The following LIFR variants were observed in gnomAD, a reference collection of about 807,000 sequenced individuals.
LIFR encodes leukemia inhibitory factor receptor.
A neutral mutation model predicts 122.2 loss-of-function variants in LIFR; 84 were observed. The ratio of observed to expected loss-of-function variants is 0.69; its 90% CI spans 0.58 to 0.82. LIFR has a LOEUF of 0.82. Among genes scored for constraint, LIFR ranks in the 40% least tolerant of loss-of-function variants. The pLI, the probability that LIFR is intolerant of heterozygous loss-of-function variation, is 0.00. For missense variants in LIFR, 1,294 were observed against 1,311.6 expected (o/e 0.99, Z 0.21); for synonymous variants, 422 against 434.7 (o/e 0.97, Z 0.36).
chr5:38,519,720 T>C (rs956621194), intron 5 of LIFR, among the ~76,000 whole-genome samples: 4 of 152,190 alleles, frequency 2.6e-5, no homozygotes, highest in Non-Finnish European at 4.4e-5. Context: ...GAGAACATAC[T>C]ATATTTATCT....
chr5:38,596,970 G>T (rs896402641), upstream of LIFR, among the ~76,000 whole-genome samples: 38 of 152,340 alleles, frequency 2.5e-4, no homozygotes, highest in African/African-American at 7.7e-4. Flanking sequence ...AATTCAGAAG[G>T]TGTTATTTTG....
At chr5:38,537,152 T>C (rs1747332809) in intron 1 of LIFR, among the ~76,000 whole-genome samples, 1 of 152,198 alleles carries the variant, frequency 6.6e-6, no homozygotes, top group African/African-American at 2.4e-5. Context: ...ATCACTTCCA[T>C]GCTTAAAATC....
rs372587300 is a variant in LIFR, at chr5:38,491,430, TCTA to T, written c.2066-1142_2066-1140del. 1.7e-4 allele frequency among the ~76,000 whole-genome samples: 26 copies of T among 151,984 alleles called. No individual in the cohort carries two copies. The East Asian group carries it at 4.6e-3, about 27-fold the overall frequency. ...AATCTTAAGTGAGGGGCCAAATGAGTCTAAAAAGATCAGAAACAGCTACAATAA... is the reference window on the plus strand; with the variant it reads ...AATCTTAAGTGAGGGGCCAAATGAGTAAAAGATCAGAAACAGCTACAATAA... On this transcript the variant is annotated intron_variant, in intron 14 of 19. Transcript: ENST00000453190.
At chr5:38,500,531 G>C (rs1243139002) in intron 11 of LIFR, among the ~76,000 whole-genome samples, 1 of 152,166 alleles carries the variant, frequency 6.6e-6, no homozygotes, top group African/African-American at 2.4e-5. Flanking sequence ...AAACAAATTT[G>C]TGTTAAGTAC....
chr5:38,482,051 A>G lies in LIFR; in HGVS notation c.2838T>C (p.Val946=). 6.2e-7 allele frequency: 1 copy of G among 1,611,662 alleles called. No homozygotes were observed. The highest frequency in any genetic ancestry group is 1.3e-5 in the African/African-American group (1 of 74,908). Residue 946 remains valine, a synonymous_variant, in exon 20 of 20, where the codon GTT becomes GTC. Coordinates refer to ENST00000453190, the MANE Select transcript of LIFR (RefSeq NM_001127671.2). The part of the protein sequence containing the change: ...RSDAEPENHV[V]VSYCPPIIEE... Reference sequence around the variant, plus strand: ...CAATGATGGGTGGACAATAGGACACAACCACATGGTTTTCAGGCTCTGCAT... The same window carrying G: ...CAATGATGGGTGGACAATAGGACACGACCACATGGTTTTCAGGCTCTGCAT...
intron 2 of LIFR, among the ~76,000 whole-genome samples, chr5:38,605,300 A>G (rs1750303511): frequency 6.6e-6 from 1 of 152,152 alleles, no homozygotes; most frequent in South Asian, 2.1e-4. Context: ...CAGGCACCAC[A>G]TAGAGACTAA....
chr5:38,569,799 C>A (rs1426237273), intron 1 of LIFR, among the ~76,000 whole-genome samples: 1 of 152,214 alleles, frequency 6.6e-6, no homozygotes, highest in Non-Finnish European at 1.5e-5. Flanking sequence ...TTCTTCAAGG[C>A]TATATCAAAT....
At chr5:38,505,168 A>T (rs1411570988) in intron 9 of LIFR, among the ~76,000 whole-genome samples, 3 of 37,302 alleles carry the variant, frequency 8.0e-5, no homozygotes, top group Non-Finnish European at 1.3e-4. Context: ...GGACATCCTT[A>T]AAAAAAAAAA....
chr5:38,511,962 C>T lies in LIFR; in HGVS notation c.564G>A (p.Val188=), dbSNP rs770762483. 4.3e-6 allele frequency: 7 copies of T among 1,613,728 alleles called. No homozygotes were observed. In the African/African-American group the frequency reaches 6.7e-5, roughly 15 times the overall value. ...TGCCATTCAGAGTTGTGTTGTGGGT[C>T]ACCTAAAAATGAACACAAACACAAA... ...RKESMELVKL[V]THNTTLNGKD... Residue 188 remains valine, a splice_region_variant and synonymous_variant, in exon 6 of 20, where the codon GTG becomes GTA. Coordinates refer to ENST00000453190, the MANE Select transcript of LIFR (RefSeq NM_001127671.2).
intron 1 of LIFR, among the ~76,000 whole-genome samples, chr5:38,546,799 G>A (rs186729377): frequency 1.1e-4 from 16 of 152,314 alleles, no homozygotes; most frequent in Admixed American, 3.9e-4. Context: ...AAGCATTTGA[G>A]TTTTTGATCC....
At chr5:38,537,341 A>G (rs1192689995) in intron 1 of LIFR, among the ~76,000 whole-genome samples, 1 of 152,146 alleles carries the variant, frequency 6.6e-6, no homozygotes, top group Admixed American at 6.5e-5. Context: ...TGCCCCCTGC[A>G]ATGTCTCCTA....
rs553757944 is a variant in LIFR at position 38,505,179 on chromosome 5, T to G, written c.1291+726A>C. On this transcript the variant is annotated intron_variant, in intron 9 of 19. Coordinates refer to ENST00000453190, the MANE Select transcript of LIFR (RefSeq NM_001127671.2). ...TCCAGGACATCCTTAAAAAAAAAAA[T>G]GCCAAACTGCATACTGTATGATTTT... Among the ~76,000 whole-genome samples the G allele has an allele frequency of 5.5e-4, 81 of 148,328 alleles. 2 individuals carry two copies. The highest frequency in any genetic ancestry group is 5.4e-3 in the Admixed American group (81 of 14,898).
At position 38,528,849 on chromosome 5, in the gene LIFR, G is replaced by GACAC. The variant is rs10637374; in HGVS notation, c.143-13_143-10dup. 0.014 allele frequency: 13,163 copies of GACAC among 920,718 alleles called. 159 individuals carry two copies. In the East Asian group the frequency reaches 0.21, roughly 15 times the overall value. The allele number at this position is 920,718 out of a possible 1,614,324, so 57.0% of individuals were successfully genotyped here. ...CAAATCATGAGGAGCCCCTGGAGGA[G>GACAC]ACACACACACACACACACACACACA... On this transcript the variant is annotated splice_polypyrimidine_tract_variant and intron_variant, in intron 2 of 19. Transcript: ENST00000453190.
Position 38,480,874 on chromosome 5 carries a change from TA to T in LIFR, c.*720del. On this transcript the variant is annotated 3_prime_UTR_variant, in exon 20 of 20. Coordinates refer to ENST00000453190, the MANE Select transcript of LIFR (RefSeq NM_001127671.2). The stretch of plus-strand genomic sequence containing the variant: ...GGAAGCAAGCATAAAAGCTAAAAAA[TA>T]ATGAAAAGGCTTGCAAAACCTATCA... The T allele has an allele frequency of 4.6e-6, 1 of 218,898 alleles. No homozygotes were observed. The highest frequency in any genetic ancestry group is 9.2e-6 in the Non-Finnish European group (1 of 108,822). The allele number at this position is 218,898 out of a possible 1,614,324, so 13.6% of individuals were successfully genotyped here.
At chr5:38,499,782 A>G (rs1277726941) in intron 11 of LIFR, among the ~76,000 whole-genome samples, 199 bp from the exon 12 acceptor site, 1 of 152,072 alleles carries the variant, frequency 6.6e-6, no homozygotes, top group African/African-American at 2.4e-5. Context: ...AATGGGTGAA[A>G]ATCTACCTGC....
intron 1 of LIFR, among the ~76,000 whole-genome samples, chr5:38,535,103 G>C (rs1747224641): frequency 6.6e-6 from 1 of 152,142 alleles, no homozygotes; most frequent in Admixed American, 6.5e-5. Flanking sequence ...AAGAACAAGA[G>C]AGAAAATATA....
At chr5:38,504,227 GCTGA>G (rs985194862) in intron 9 of LIFR, 106 bp from the exon 10 acceptor site, 1 of 776,886 alleles carries the variant, frequency 1.3e-6, no homozygotes, top group Non-Finnish European at 2.2e-6. Context: ...CATCATTAGT[GCTGA>G]CCAACAACAT....
Position 38,478,018 on chromosome 5 carries a change from T to C in LIFR, c.*3577A>G, listed in dbSNP as rs1743805032. 4.7e-6 allele frequency: 1 copy of C among 210,586 alleles called. No individual in the cohort carries two copies. 13.0% of individuals were successfully genotyped at this position (210,586 alleles called of 1,614,324 possible). ...ACTTCGAGATAACATTTTAAAAATA[T>C]TGACACGTTAAGGAGTATTTTACTT... On this transcript the variant is annotated 3_prime_UTR_variant, in exon 20 of 20. Transcript: ENST00000453190.
chr5:38,598,229 T>TTTTA (rs1335343474), upstream of LIFR, among the ~76,000 whole-genome samples: 3 of 44,444 alleles, frequency 6.8e-5, no homozygotes, highest in Non-Finnish European at 1.2e-4. Context: ...TTTTTTTTTT[T>TTTTA]TTTATTTATT....
Sources: gnomAD v4.1 joint callset for allele counts (sites outside exome capture counted in the v4.1 genomes callset) on GRCh38, gnomAD v4.1.1 for gene constraint, MANE v1.5 for transcripts, NCBI Gene and HGNC (gene_info 2026-07-23, HGNC 2026-07-21) for gene names.